Variants in CGNL1 observed in about 807,000 individuals in gnomAD.
CGNL1 encodes the protein cingulin-like protein 1.
Under a neutral mutation model 141.2 loss-of-function variants are expected in CGNL1, and 132 were observed. That is an observed-to-expected ratio of 0.93 (90% confidence interval 0.81 to 1.08). The LOEUF (loss-of-function observed/expected upper bound fraction) is 1.08. Ranked by LOEUF, CGNL1 falls within the 50% of genes least tolerant of loss-of-function variation. The pLI is 0.00. For missense variants in CGNL1, 1,870 were observed against 1,588.6 expected (o/e 1.18, Z -3.01); for synonymous variants, 690 against 622.1 (o/e 1.11, Z -1.63).
In CGNL1 at chr15:57,459,906, G is replaced by C. The variant is rs1052929101; in HGVS notation, c.2191-1774G>C. On this transcript the variant is annotated intron_variant, in intron 7 of 18. Coordinates refer to ENST00000281282, the MANE Select transcript of CGNL1 (RefSeq NM_032866.5). ...TGAGGTGCCACAGGACATCCAGATG[G>C]GTTCATCTAGCAGGTCTTTGAATGT... Among the ~76,000 whole-genome samples the C allele has an allele frequency of 3.9e-5, 6 of 152,146 alleles. No homozygotes were observed. The South Asian group carries it at 1.2e-3, about 32-fold the overall frequency.
chr15:57,544,538 G>A lies in CGNL1; in HGVS notation c.3441G>A (p.Leu1147=). The A allele has an allele frequency of 6.2e-7, 1 of 1,611,864 alleles. No homozygotes were observed. The highest frequency in any genetic ancestry group is 8.5e-7 in the Non-Finnish European group (1 of 1,179,056). The change falls in exon 16 of 19, where the codon CTG becomes CTA. Residue 1147 remains leucine, a synonymous_variant. Transcript: ENST00000281282. ...CCTACAGGTCCAGCAAAGAGGGGCT[G>A]GTTGTGCAGATGGAGGCCAGGATCG... ...EGSYRSSKEG[L]VVQMEARIAE... is the part of the protein sequence containing the mutation.
At chr15:57,493,558 A>G (rs1567151858) in intron 8 of CGNL1, among the ~76,000 whole-genome samples, 2 of 152,362 alleles carry the variant, frequency 1.3e-5, no homozygotes, top group East Asian at 3.9e-4. Flanking sequence ...GATTAAACTG[A>G]AAAGAGATAC....
chr15:57,505,526 T>C (rs2064089726), intron 8 of CGNL1, among the ~76,000 whole-genome samples: 1 of 152,184 alleles, frequency 6.6e-6, no homozygotes, highest in South Asian at 2.1e-4. Flanking sequence ...TGTAGGAGCC[T>C]GGTCTGCTCA....
intron 8 of CGNL1, among the ~76,000 whole-genome samples, chr15:57,470,924 CT>C (rs2063573793): frequency 6.6e-6 from 1 of 152,174 alleles, no homozygotes; most frequent in Non-Finnish European, 1.5e-5. Context: ...GTACCAAATA[CT>C]TAAGAATTAG....
At chr15:57,381,658 C>G (rs918495411) in intron 1 of CGNL1, among the ~76,000 whole-genome samples, 1 of 152,206 alleles carries the variant, frequency 6.6e-6, no homozygotes, top group Non-Finnish European at 1.5e-5. Flanking sequence ...TTTCTCGCTC[C>G]TCTTAAGCTG....
At chr15:57,504,371 T>C (rs2064071163) in intron 8 of CGNL1, among the ~76,000 whole-genome samples, 1 of 152,238 alleles carries the variant, frequency 6.6e-6, no homozygotes, top group Admixed American at 6.5e-5. Context: ...TATCTGACTC[T>C]GGGAGCCCAG....
chr15:57,437,936 A>G (rs1166235634), intron 1 of CGNL1, 49 bp from the exon 2 acceptor site: 1 of 1,451,308 alleles, frequency 6.9e-7, no homozygotes, highest in Non-Finnish European at 9.3e-7. Context: ...ATTTAAACAG[A>G]TGTAATTCTA....
At chr15:57,380,976 C>T (rs564624809) in intron 1 of CGNL1, among the ~76,000 whole-genome samples, 14 of 152,350 alleles carry the variant, frequency 9.2e-5, no homozygotes, top group African/African-American at 3.4e-4. Context: ...GGTTCCTCAT[C>T]ATACCATGGT....
intron 14 of CGNL1, 127 bp downstream of exon 14, chr15:57,531,906 T>G: frequency 1.6e-6 from 1 of 641,484 alleles, no homozygotes; most frequent in Non-Finnish European, 2.8e-6. Context: ...TGATGGAAGA[T>G]TGAATAGTCA....
intron 1 of CGNL1, among the ~76,000 whole-genome samples, chr15:57,408,520 C>T (rs4774939): frequency 0.55 from 84,034 of 151,762 alleles, 23,474 homozygotes; most frequent in Middle Eastern, 0.59. Flanking sequence ...TCCACTTTTC[C>T]GGGATAATAT....
At chr15:57,523,430 C>T (rs777992583) in intron 10 of CGNL1, 59 bp from the exon 11 acceptor site, 225 of 1,554,936 alleles carry the variant, frequency 1.4e-4, no homozygotes, top group Non-Finnish European at 1.8e-4. Flanking sequence ...CTGTGCCACC[C>T]GTTCCTGTGG....
chr15:57,467,295 TAGG>T (rs1268160819), intron 8 of CGNL1, among the ~76,000 whole-genome samples: 1 of 152,046 alleles, frequency 6.6e-6, no homozygotes, highest in Non-Finnish European at 1.5e-5. Context: ...TGGCTGTGCT[TAGG>T]AGGAGGACTG....
At chr15:57,496,487 G>A (rs2063940349) in intron 8 of CGNL1, among the ~76,000 whole-genome samples, 1 of 152,132 alleles carries the variant, frequency 6.6e-6, no homozygotes, top group African/African-American at 2.4e-5. Flanking sequence ...CAGATGGAAT[G>A]GTTTAGTCCT....
At chr15:57,402,185 G>C (rs1282722345) in intron 1 of CGNL1, 1 of 152,218 alleles carries the variant, frequency 6.6e-6, no homozygotes, top group Non-Finnish European at 1.5e-5. Flanking sequence ...GAATGGCTTG[G>C]TGCTCTCCCC....
At chr15:57,379,749 C>CT (rs1359477740) in intron 1 of CGNL1, among the ~76,000 whole-genome samples, 4 of 151,766 alleles carry the variant, frequency 2.6e-5, no homozygotes, top group African/African-American at 9.7e-5. Context: ...CAAGTGCTTA[C>CT]TTTTTTCAGG....
intron 6 of CGNL1, among the ~76,000 whole-genome samples, chr15:57,453,075 T>A (rs2063340070): frequency 6.6e-6 from 1 of 152,192 alleles, no homozygotes; most frequent in South Asian, 2.1e-4. Context: ...GTATAGTAGT[T>A]GTGAGTTTGG....
In CGNL1 at chr15:57,487,056, T is replaced by G. The variant is rs1280385; in HGVS notation, c.2403+25164T>G. Among the ~76,000 whole-genome samples the G allele has an allele frequency of 2.7e-3, 412 of 152,322 alleles. 3 individuals are homozygous for G. Among genetic ancestry groups the G allele is most frequent in the African/African-American group, 9.4e-3 (391 of 41,576 alleles). On this transcript the variant is annotated intron_variant, in intron 8 of 18. Coordinates refer to ENST00000281282, the MANE Select transcript of CGNL1 (RefSeq NM_032866.5). ...ACTATTTCCTGATGCAAATGAAGCT[T>G]CTAAGTGTACAAACTTAAAATACCT...
intron 14 of CGNL1, among the ~76,000 whole-genome samples, chr15:57,541,268 G>A (rs1476022334): frequency 1.3e-5 from 2 of 152,230 alleles, no homozygotes; most frequent in Non-Finnish European, 2.9e-5. Context: ...CATGTCCTCA[G>A]TGAAGTGCTG....
At chr15:57,422,604 G>A (rs571410001) in intron 1 of CGNL1, among the ~76,000 whole-genome samples, 27 of 152,288 alleles carry the variant, frequency 1.8e-4, no homozygotes, top group African/African-American at 6.5e-4. Context: ...GCAGGTTAAT[G>A]TTTAATGTAA....
Sources: gnomAD v4.1 joint callset for allele counts (sites outside exome capture counted in the v4.1 genomes callset) on GRCh38, gnomAD v4.1.1 for gene constraint, MANE v1.5 for transcripts, NCBI Gene and HGNC (gene_info 2026-07-23, HGNC 2026-07-21) for gene names.